The following PDSS2 variants were observed in gnomAD, a reference collection of about 807,000 sequenced individuals.
The protein encoded by PDSS2 is all trans-polyprenyl-diphosphate synthase PDSS2.
A neutral mutation model predicts 44.5 loss-of-function variants in PDSS2; 31 were observed. The observed-to-expected ratio is 0.70, with a 90% CI of 0.52 to 0.94. The LOEUF is 0.94. Among genes scored for constraint, PDSS2 ranks in the 40% least tolerant of loss-of-function variants. The pLI, the probability that PDSS2 is intolerant of heterozygous loss-of-function variation, is 0.00. For missense variants in PDSS2, 452 were observed against 482.2 expected (o/e 0.94, Z 0.59); for synonymous variants, 157 against 180.3 (o/e 0.87, Z 1.03).
intron 2 of PDSS2, among the ~76,000 whole-genome samples, chr6:107,302,124 A>G (rs1054171273): frequency 6.6e-6 from 1 of 152,152 alleles, no homozygotes; most frequent in African/African-American, 2.4e-5. Context: ...TGTTCTTTAG[A>G]AAAGTTAGCC....
rs569329919 is a variant in PDSS2 at position 107,381,218 on chromosome 6, G to A, written c.297-46886C>T. 1.5e-3 allele frequency among the ~76,000 whole-genome samples: 224 copies of A among 152,182 alleles called. 1 individual carries two copies. Among genetic ancestry groups the A allele is most frequent in the African/African-American group, 5.2e-3 (217 of 41,520 alleles). ...AACCAGGTAATAAGGTGCTTTTCTCGACTCTAACCTCCATAATAAGGCTGG... is the reference window on the plus strand; with the variant it reads ...AACCAGGTAATAAGGTGCTTTTCTCAACTCTAACCTCCATAATAAGGCTGG... On this transcript the variant is annotated intron_variant, in intron 1 of 7. Coordinates refer to ENST00000369037, the MANE Select transcript of PDSS2 (RefSeq NM_020381.4).
chr6:107,424,694 T>A (rs1201199474), intron 1 of PDSS2, among the ~76,000 whole-genome samples: 1 of 152,192 alleles, frequency 6.6e-6, no homozygotes, highest in Non-Finnish European at 1.5e-5. Flanking sequence ...TAAAATGAAT[T>A]GTATACCTTT....
intron 1 of PDSS2, among the ~76,000 whole-genome samples, chr6:107,433,180 T>C (rs1215792228): frequency 1.3e-5 from 2 of 152,020 alleles, no homozygotes; most frequent in African/African-American, 2.4e-5. Flanking sequence ...TATTCGTAAG[T>C]ATTTTTAAAG....
At chr6:107,405,957 C>T (rs1780307169) in intron 1 of PDSS2, among the ~76,000 whole-genome samples, 1 of 151,446 alleles carries the variant, frequency 6.6e-6, no homozygotes, top group South Asian at 2.1e-4. Context: ...ACAATGTAAA[C>T]TTTACAGGTG....
rs151070012 is a variant in PDSS2 at position 107,457,626 on chromosome 6, T to C, written c.296+1364A>G. 7.4e-3 allele frequency among the ~76,000 whole-genome samples: 1,128 copies of C among 152,186 alleles called. 3 individuals carry two copies. Among genetic ancestry groups the C allele is most frequent in the Non-Finnish European group, 0.011 (764 of 68,006 alleles). On this transcript the variant is annotated intron_variant, in intron 1 of 7. Transcript: ENST00000369037. The stretch of plus-strand genomic sequence containing the variant: ...GCCAAATGTCCTCAGGGGGGGAAAA[T>C]TGCCCCAGTTGAGAACCAGTGCTCT...
chr6:107,377,429 CTG>C (rs1342020146), intron 1 of PDSS2, among the ~76,000 whole-genome samples: 1 of 152,178 alleles, frequency 6.6e-6, no homozygotes, highest in Non-Finnish European at 1.5e-5. Context: ...CATTTTTACA[CTG>C]TTGGTGGGAC....
chr6:107,396,274 C>A (rs1236205093), intron 1 of PDSS2, among the ~76,000 whole-genome samples: 1 of 152,134 alleles, frequency 6.6e-6, no homozygotes, highest in African/African-American at 2.4e-5. Flanking sequence ...ATCCTAGTTA[C>A]CAAGACCTGC....
intron 1 of PDSS2, among the ~76,000 whole-genome samples, chr6:107,376,234 T>C (rs1779281605): frequency 6.6e-6 from 1 of 152,098 alleles, no homozygotes; most frequent in South Asian, 2.1e-4. Context: ...AGGATTGACT[T>C]GGCGATGTGG....
chr6:107,274,805 T>A (rs192235532), intron 2 of PDSS2, among the ~76,000 whole-genome samples: 2 of 151,916 alleles, frequency 1.3e-5, no homozygotes, highest in Non-Finnish European at 2.9e-5. Flanking sequence ...CCCGAGTAGC[T>A]GGGACTACAG....
intron 7 of PDSS2, among the ~76,000 whole-genome samples, chr6:107,191,065 G>T (rs1772361076): frequency 6.6e-6 from 1 of 152,010 alleles, no homozygotes; most frequent in Non-Finnish European, 1.5e-5. Flanking sequence ...CTAATTTTTT[G>T]TATTTTTAGT....
chr6:107,291,556 G>GT (rs1776349753), intron 2 of PDSS2, among the ~76,000 whole-genome samples: 3 of 149,722 alleles, frequency 2.0e-5, no homozygotes, highest in African/African-American at 2.4e-5. Flanking sequence ...AGAGACGGGG[G>GT]GGTCTCACTA....
chr6:107,290,528 C>T (rs1443534379), intron 2 of PDSS2, among the ~76,000 whole-genome samples: 2 of 152,088 alleles, frequency 1.3e-5, no homozygotes, highest in Non-Finnish European at 2.9e-5. Context: ...AATTTCTCCA[C>T]CCCCCGCCTC....
intron 1 of PDSS2, among the ~76,000 whole-genome samples, chr6:107,392,411 A>C (rs1779813374): frequency 6.6e-6 from 1 of 152,204 alleles, no homozygotes; most frequent in African/African-American, 2.4e-5. Context: ...TCTTTAAAAG[A>C]GGGTATACAA....
At chr6:107,453,890 T>C (rs1180341292) in intron 1 of PDSS2, among the ~76,000 whole-genome samples, 1 of 152,182 alleles carries the variant, frequency 6.6e-6, no homozygotes, top group Admixed American at 6.5e-5. Context: ...CATCCTTCAA[T>C]GGAGTCCCAA....
At chr6:107,402,124 C>CA (rs1780124009) in intron 1 of PDSS2, among the ~76,000 whole-genome samples, 2 of 151,808 alleles carry the variant, frequency 1.3e-5, no homozygotes, top group South Asian at 2.1e-4. Flanking sequence ...ACTAAAAATA[C>CA]AAAAAATTAG....
At chr6:107,297,627 G>A (rs565060501) in intron 2 of PDSS2, among the ~76,000 whole-genome samples, 46 of 147,960 alleles carry the variant, frequency 3.1e-4, no homozygotes, top group Admixed American at 4.8e-4. Context: ...TGATCCACCC[G>A]CCTCGGCCTC....
intron 2 of PDSS2, among the ~76,000 whole-genome samples, chr6:107,295,530 T>G (rs1376414433): frequency 1.3e-5 from 2 of 152,182 alleles, no homozygotes; most frequent in Non-Finnish European, 2.9e-5. Context: ...TTATATAGAC[T>G]GTTTCATGTA....
intron 2 of PDSS2, among the ~76,000 whole-genome samples, chr6:107,320,915 G>A (rs1300978097): frequency 1.3e-5 from 2 of 152,126 alleles, no homozygotes; most frequent in Admixed American, 1.3e-4. Context: ...CTACAGTAAT[G>A]GAAAGAGCAT....
chr6:107,334,204 T>C lies in PDSS2; in HGVS notation c.425A>G (p.Tyr142Cys). 2.5e-6 allele frequency: 4 copies of C among 1,613,664 alleles called. No homozygotes were observed. The highest frequency in any genetic ancestry group is 3.4e-6 in the Non-Finnish European group (4 of 1,179,790). The change falls in exon 2 of 8, where the codon TAC becomes TGC. Residue 142 changes from tyrosine (Y) to cysteine (C), a missense_variant. By Grantham distance (194) the Tyr-to-Cys change is radical. Transcript: ENST00000369037. Reference sequence around the variant, plus strand: ...AAGACTAAATTCTTCTTACCATGAGTAGATCCCACTGACCATGTCATAGTT... The same window carrying C: ...AAGACTAAATTCTTCTTACCATGAGCAGATCCCACTGACCATGTCATAGTT... ...CQNYDMVSGI[Y>C]SCQRSLAEIT...
Sources: allele counts gnomAD v4.1 joint callset (sites outside exome capture counted in the v4.1 genomes callset), GRCh38; gene constraint gnomAD v4.1.1; transcripts MANE v1.5; gene names NCBI Gene and HGNC (gene_info 2026-07-23, HGNC 2026-07-21).